P2RX7: variants seen among roughly 807,000 people sequenced by gnomAD.
The protein encoded by P2RX7 is P2X purinoceptor 7.
In P2RX7, 62 loss-of-function variants were observed where a neutral mutation model predicts 71.6. The observed-to-expected ratio is 0.87, with a 90% CI of 0.71 to 1.07. The LOEUF (loss-of-function observed/expected upper bound fraction) is 1.07, where lower values mean the gene tolerates loss of function less well. Ranked by LOEUF, P2RX7 falls within the 50% of genes least tolerant of loss-of-function variation. P2RX7 has a pLI of 0.00. For missense variants in P2RX7, 686 were observed against 748.5 expected (o/e 0.92, Z 0.97); for synonymous variants, 299 against 283.3 (o/e 1.06, Z -0.56).
chr12:121,166,162 A>T lies in P2RX7; in HGVS notation c.719A>T (p.Asp240Val), dbSNP rs1040614978. 7.4e-6 allele frequency: 12 copies of T among 1,613,868 alleles called. No homozygotes were observed. The highest frequency in any genetic ancestry group is 9.3e-6 in the Non-Finnish European group (11 of 1,179,804). Residue 240 changes from aspartate to valine, a missense_variant, in exon 7 of 13, where the codon GAT (aspartate) becomes GTT (valine). Transcript: ENST00000328963. Reference protein sequence around the residue: ...RLGDIFRETGDNFSDVAIQGG... With the variant: ...RLGDIFRETGVNFSDVAIQGG... ...GGAGACATCTTCCGAGAAACAGGCG[A>T]TAATTTTTCAGATGTGGCAATTCAG... is the stretch of plus-strand genomic sequence containing the variant.
intron 9 of P2RX7, among the ~76,000 whole-genome samples, chr12:121,176,581 T>A (rs113128175): frequency 0.032 from 4,804 of 151,846 alleles, 255 homozygotes; most frequent in African/African-American, 0.11. Flanking sequence ...TGAAACCCTG[T>A]CTCTACTAAA....
chr12:121,167,377 A>C, intron 7 of P2RX7, 111 bp from the exon 8 acceptor site: 12 of 1,262,788 alleles, frequency 9.5e-6, no homozygotes, highest in Non-Finnish European at 1.3e-5. Context: ...TTCTTCAATC[A>C]GCATTTTTCC....
chr12:121,184,579 T>C lies in P2RX7; in HGVS notation c.1565T>C (p.Val522Ala). Residue 522 changes from valine to alanine, a missense_variant, in exon 13 of 13, where the codon GTC (valine) becomes GCC (alanine). Physicochemically the swap from Val to Ala is moderately conservative, Grantham distance 64 (BLOSUM62 0). Coordinates refer to ENST00000328963, the MANE Select transcript of P2RX7 (RefSeq NM_002562.6). The part of the protein sequence containing the change: ...LFRKLVLSRH[V>A]LQFLLLYQEP... ...AGGAAGCTGGTCCTGTCCAGACACG[T>C]CCTGCAGTTCCTCCTGCTCTACCAG... 4 of 1,614,122 alleles carry C rather than the reference T, an allele frequency of 2.5e-6. No individual in the cohort carries two copies. The highest frequency in any genetic ancestry group is 3.4e-6 in the Non-Finnish European group (4 of 1,180,006).
chr12:121,185,831 G>A lies in P2RX7; in HGVS notation c.*1029G>A, dbSNP rs201272291. The A allele has an allele frequency of 5.9e-5, 9 of 152,072 alleles. No individual in the cohort carries two copies. The highest frequency in any genetic ancestry group is 1.3e-4 in the Admixed American group (2 of 15,242). 9.4% of individuals were successfully genotyped at this position (152,072 alleles called of 1,614,324 possible). A position where few individuals can be genotyped will look rare whatever the true frequency, so the allele number is the denominator to read the frequency against. ...AGCACTTTGGGAGACCAAGGCGGGC[G>A]GATCACTTAAAGTCAGGAGTCCAAG... is the stretch of plus-strand genomic sequence containing the variant. On this transcript the variant is annotated 3_prime_UTR_variant, in exon 13 of 13. Transcript: ENST00000328963.
chr12:121,144,270 T>C (rs1323814186), intron 1 of P2RX7, among the ~76,000 whole-genome samples: 1 of 152,192 alleles, frequency 6.6e-6, no homozygotes, highest in Non-Finnish European at 1.5e-5. Flanking sequence ...TGATCTCGCC[T>C]CACTTCGACC....
rs1042766280 is a variant in P2RX7 at position 121,162,471 on chromosome 12, T to G, written c.484T>G (p.Cys162Gly). Reference protein sequence around the residue: ...CVVYEGNQKTCEVSAWCPIEA... With the variant: ...CVVYEGNQKTGEVSAWCPIEA... ...AGTGTATGAAGGGAACCAGAAGACC[T>G]GTGAAGTCTCTGCCTGGTGCCCCAT... is the stretch of plus-strand genomic sequence containing the variant. Residue 162 changes from cysteine to glycine, a missense_variant, in exon 5 of 13, where the codon TGT becomes GGT. Coordinates refer to ENST00000328963, the MANE Select transcript of P2RX7 (RefSeq NM_002562.6). 2.5e-6 allele frequency: 4 copies of G among 1,613,826 alleles called. No homozygotes were observed. Among genetic ancestry groups the G allele is most frequent in the Non-Finnish European group, 3.4e-6 (4 of 1,179,976 alleles).
At chr12:121,165,650 A>T (rs1880860223) in intron 6 of P2RX7, among the ~76,000 whole-genome samples, 1 of 152,130 alleles carries the variant, frequency 6.6e-6, no homozygotes, top group South Asian at 2.1e-4. Flanking sequence ...TCTAGGCTTG[A>T]CTGGGGCTGG....
At chr12:121,157,871 C>T (rs1013549427) in intron 3 of P2RX7, among the ~76,000 whole-genome samples, 8 of 152,168 alleles carry the variant, frequency 5.3e-5, no homozygotes, top group South Asian at 2.1e-4. Context: ...ACCTGTGACA[C>T]GCTTAAAACA....
Position 121,156,437 on chromosome 12 carries a change from C to A in P2RX7, c.363+290C>A, listed in dbSNP as rs147413063. ...CTCTTTCTATCTCTGGCTCTCTTCG[C>A]AGCTTATGACAATGGTGATTCTTGG... On this transcript the variant is annotated intron_variant, in intron 3 of 12. Transcript: ENST00000328963. Among the ~76,000 whole-genome samples, 198 of 152,356 alleles carry A rather than the reference C, an allele frequency of 1.3e-3. 1 individual carries two copies. The highest frequency in any genetic ancestry group is 4.6e-3 in the African/African-American group (192 of 41,592).
intron 7 of P2RX7, among the ~76,000 whole-genome samples, chr12:121,166,862 T>C (rs1489501799): frequency 6.9e-6 from 1 of 144,130 alleles, no homozygotes. Context: ...GCCAACATGG[T>C]GAAAGCCCAT....
chr12:121,173,501 C>CA (rs1392990452), intron 8 of P2RX7, among the ~76,000 whole-genome samples: 1 of 152,088 alleles, frequency 6.6e-6, no homozygotes, highest in Non-Finnish European at 1.5e-5. Context: ...GAATTTATTA[C>CA]ATACTTTTCC....
At chr12:121,161,523 A>C (rs1220662715) in intron 4 of P2RX7, among the ~76,000 whole-genome samples, 1 of 148,954 alleles carries the variant, frequency 6.7e-6, no homozygotes, top group Non-Finnish European at 1.5e-5. Flanking sequence ...GCGAGCGCAG[A>C]GGCTGGTGCC....
At chr12:121,172,408 T>C (rs1246737755) in intron 8 of P2RX7, among the ~76,000 whole-genome samples, 1 of 152,190 alleles carries the variant, frequency 6.6e-6, no homozygotes, top group East Asian at 1.9e-4. Context: ...GGTGGGTGCA[T>C]CACTTGAGCT....
chr12:121,133,475 G>T (rs1390259386), intron 1 of P2RX7, among the ~76,000 whole-genome samples: 1 of 152,232 alleles, frequency 6.6e-6, no homozygotes, highest in Admixed American at 6.5e-5. Flanking sequence ...GGGAGGAATA[G>T]GACCAGGCTT....
At chr12:121,184,064 CA>C (rs34044134) in intron 12 of P2RX7, among the ~76,000 whole-genome samples, 53,951 of 128,988 alleles carry the variant, frequency 0.42, 10,119 homozygotes, top group African/African-American at 0.47. Flanking sequence ...GACCCTCTCT[CA>C]AAAAAAAAAA....
chr12:121,140,185 G>A lies in P2RX7; in HGVS notation c.125+7090G>A, dbSNP rs946385447. Among the ~76,000 whole-genome samples, 6 of 152,134 alleles carry A rather than the reference G, an allele frequency of 3.9e-5. No homozygotes were observed. The South Asian group carries it at 1.2e-3, about 32-fold the overall frequency. On this transcript the variant is annotated intron_variant, in intron 1 of 12. Transcript: ENST00000328963. ...CGTAGGAGGAGAAGAATCCAGCCATGTGACACACAGTACGAAGAGAACAGT... is the reference window on the plus strand; with the variant it reads ...CGTAGGAGGAGAAGAATCCAGCCATATGACACACAGTACGAAGAGAACAGT...
chr12:121,133,424 G>T lies in P2RX7; in HGVS notation c.125+329G>T, dbSNP rs181065325. Reference sequence around the variant, plus strand: ...CCAGGGAGGAGGCGAGGATCTCAGGGCACGCCTGGTGATCATGCTGGCATC... The same window carrying T: ...CCAGGGAGGAGGCGAGGATCTCAGGTCACGCCTGGTGATCATGCTGGCATC... On this transcript the variant is annotated intron_variant, in intron 1 of 12. Coordinates refer to ENST00000328963, the MANE Select transcript of P2RX7 (RefSeq NM_002562.6). Among the ~76,000 whole-genome samples, 86 of 152,350 alleles carry T rather than the reference G, an allele frequency of 5.6e-4. 1 individual carries two copies. The highest frequency in any genetic ancestry group is 2.0e-3 in the African/African-American group (83 of 41,588).
In P2RX7 at chr12:121,169,633, C is replaced by T. The variant is rs919821106; in HGVS notation, c.881+2009C>T. On this transcript the variant is annotated intron_variant, in intron 8 of 12. Transcript: ENST00000328963. ...TTTAAAACTTGAGACAGGCCAGGTGCGGTGGCTTATGCCTGTAATCCCAGC... is the reference window on the plus strand; with the variant it reads ...TTTAAAACTTGAGACAGGCCAGGTGTGGTGGCTTATGCCTGTAATCCCAGC... Among the ~76,000 whole-genome samples the T allele has an allele frequency of 3.3e-5, 5 of 152,080 alleles. No individual in the cohort carries two copies. In the South Asian group the frequency reaches 6.2e-4, roughly 19 times the overall value.
chr12:121,141,524 C>G (rs748835458), intron 1 of P2RX7, among the ~76,000 whole-genome samples: 1 of 152,200 alleles, frequency 6.6e-6, no homozygotes, highest in Non-Finnish European at 1.5e-5. Flanking sequence ...GGGGCCTGAT[C>G]ATGGAGCGCC....
Sources: gnomAD v4.1 joint callset for allele counts (sites outside exome capture counted in the v4.1 genomes callset) on GRCh38, gnomAD v4.1.1 for gene constraint, MANE v1.5 for transcripts, NCBI Gene and HGNC (gene_info 2026-07-23, HGNC 2026-07-21) for gene names.